Variants in ESRRG observed in about 807,000 individuals in gnomAD.
ESRRG encodes the protein estrogen related receptor gamma.
ESRRG carries 13 observed loss-of-function variants against 44.0 expected under a neutral mutation model. The ratio of observed to expected loss-of-function variants is 0.30; its 90% CI spans 0.19 to 0.47. The LOEUF is 0.47. ESRRG is among the 20% of genes least tolerant of loss of function. The probability of loss-of-function intolerance (pLI) is 1.00; values close to 1 mark genes in which losing one functional copy is unlikely to be tolerated. For missense variants in ESRRG, 395 were observed against 580.6 expected (o/e 0.68, Z 3.29); for synonymous variants, 215 against 214.6 (o/e 1.00, Z -0.02).
At chr1:216,696,585 T>C (rs531955185) in intron 1 of ESRRG, among the ~76,000 whole-genome samples, 2 of 152,224 alleles carry the variant, frequency 1.3e-5, no homozygotes, top group South Asian at 2.1e-4. Flanking sequence ...ACTTAAAAAA[T>C]ACTAAGATTA....
chr1:217,056,186 G>C (rs894521188), intron 1 of ESRRG, among the ~76,000 whole-genome samples: 2 of 152,284 alleles, frequency 1.3e-5, no homozygotes, highest in Admixed American at 1.3e-4. Flanking sequence ...ACTTGGAGCA[G>C]AAAAGCCTAC....
chr1:216,540,690 G>T (rs981823904), intron 5 of ESRRG, among the ~76,000 whole-genome samples: 5 of 151,952 alleles, frequency 3.3e-5, no homozygotes, highest in African/African-American at 9.7e-5. Context: ...GACCTAGAAA[G>T]CACTTGAGTA....
At chr1:216,662,629 G>A (rs1425344649) in intron 2 of ESRRG, among the ~76,000 whole-genome samples, 1 of 152,054 alleles carries the variant, frequency 6.6e-6, no homozygotes, top group African/African-American at 2.4e-5. Context: ...GGGAGAGTGG[G>A]GGGGTTCCTG....
chr1:216,649,003 G>A (rs1004997651), intron 3 of ESRRG, among the ~76,000 whole-genome samples: 6 of 152,082 alleles, frequency 3.9e-5, no homozygotes, highest in Admixed American at 6.6e-5. Context: ...TTGTTACTCT[G>A]CTATAGGGGT....
intron 2 of ESRRG, among the ~76,000 whole-genome samples, chr1:216,873,744 G>C (rs1458469546): frequency 6.6e-6 from 1 of 151,130 alleles, no homozygotes; most frequent in Non-Finnish European, 1.5e-5. Flanking sequence ...TGGGACCACA[G>C]CTCCACTGAA....
intron 2 of ESRRG, among the ~76,000 whole-genome samples, chr1:216,837,432 C>T (rs538021721): frequency 8.2e-4 from 120 of 146,500 alleles, no homozygotes; most frequent in Non-Finnish European, 1.3e-3. Context: ...ACAACTTTTT[C>T]CATAGAAATC....
At chr1:217,045,951 T>G (rs895082603) in intron 1 of ESRRG, among the ~76,000 whole-genome samples, 4 of 152,132 alleles carry the variant, frequency 2.6e-5, no homozygotes, top group African/African-American at 9.7e-5. Flanking sequence ...ATAGTTAGTA[T>G]AGATTGAGAT....
intron 1 of ESRRG, among the ~76,000 whole-genome samples, chr1:217,135,316 T>TA (rs1226148787): frequency 6.6e-6 from 1 of 151,782 alleles, no homozygotes; most frequent in African/African-American, 2.4e-5. Flanking sequence ...GCCTCCCACG[T>TA]AAAGGCCAGT....
intron 2 of ESRRG, among the ~76,000 whole-genome samples, chr1:216,759,259 G>T (rs1160583608): frequency 6.6e-6 from 1 of 152,120 alleles, no homozygotes; most frequent in Non-Finnish European, 1.5e-5. Flanking sequence ...CCTGCCTGTT[G>T]CTGCTCAGGC....
intron 1 of ESRRG, among the ~76,000 whole-genome samples, chr1:217,056,775 A>C (rs554575537): frequency 4.6e-5 from 7 of 151,636 alleles, no homozygotes; most frequent in African/African-American, 1.7e-4. Context: ...TAGGAGACAA[A>C]GTTTCCTCTT....
chr1:216,648,753 A>G (rs562641751), intron 3 of ESRRG, among the ~76,000 whole-genome samples: 1 of 152,246 alleles, frequency 6.6e-6, no homozygotes, highest in East Asian at 1.9e-4. Flanking sequence ...ATAGATCAAT[A>G]CCACATCAAT....
chr1:217,033,290 A>C (rs2082343272), intron 1 of ESRRG, among the ~76,000 whole-genome samples: 1 of 152,068 alleles, frequency 6.6e-6, no homozygotes, highest in Non-Finnish European at 1.5e-5. Flanking sequence ...CCTATGCTAA[A>C]CTCACAAATC....
intron 2 of ESRRG, among the ~76,000 whole-genome samples, chr1:216,779,282 A>G (rs866452949): frequency 5.6e-5 from 1 of 17,738 alleles, no homozygotes; most frequent in East Asian, 1.3e-3. Context: ...TATATTTATA[A>G]ACATTATATT....
intron 1 of ESRRG, among the ~76,000 whole-genome samples, chr1:217,059,098 T>C (rs1009389727): frequency 2.0e-5 from 3 of 149,532 alleles, no homozygotes; most frequent in African/African-American, 7.3e-5. Flanking sequence ...GGATCAAACC[T>C]GAGTGTGATC....
chr1:216,607,851 A>C (rs1247691373), intron 3 of ESRRG, among the ~76,000 whole-genome samples: 1 of 152,208 alleles, frequency 6.6e-6, no homozygotes, highest in East Asian at 1.9e-4. Context: ...ATAACAAATG[A>C]AAACACTGAA....
intron 2 of ESRRG, among the ~76,000 whole-genome samples, chr1:216,665,498 C>A (rs1047844838): frequency 5.9e-5 from 9 of 152,082 alleles, no homozygotes; most frequent in African/African-American, 2.2e-4. Context: ...CAGCCAAACT[C>A]ATAGAAACAG....
rs370360195 is a variant in ESRRG, at chr1:216,568,041, G to A, written c.647C>T (p.Ala216Val). The A allele has an allele frequency of 2.4e-5, 38 of 1,613,698 alleles. No individual in the cohort carries two copies. The highest frequency in any genetic ancestry group is 2.5e-5 in the Non-Finnish European group (30 of 1,179,796). The change falls in exon 4 of 7, where the codon GCG becomes GTG. Residue 216 changes from alanine to valine, a missense_variant. Physicochemically the swap from Ala to Val is moderately conservative, Grantham distance 64. Around this residue, in one of 5 missense-constraint regions of ESRRG, gnomAD observed 37 missense variants for 32.9 expected, o/e 1.13. Coordinates refer to ENST00000408911, the MANE Select transcript of ESRRG (RefSeq NM_001438.4). ...AGGGTTCAGGTATGGGCTGTTCTCC[G>A]CATCTATCCTGCGCTTGTACTTCTG... ...GRQKYKRRID[A>V]ENSPYLNPQL...
chr1:216,536,769 A>T (rs2051094666), intron 5 of ESRRG, among the ~76,000 whole-genome samples: 1 of 152,130 alleles, frequency 6.6e-6, no homozygotes, highest in South Asian at 2.1e-4. Context: ...GCTTCCATTT[A>T]TCATGAGCTG....
intron 1 of ESRRG, among the ~76,000 whole-genome samples, chr1:217,115,985 C>T (rs1183550649): frequency 2.6e-5 from 4 of 152,146 alleles, no homozygotes; most frequent in Admixed American, 1.3e-4. Flanking sequence ...AGCAGGCTAA[C>T]TTCCAATCCA....
Sources: allele counts gnomAD v4.1 joint callset (sites outside exome capture counted in the v4.1 genomes callset), GRCh38; gene constraint gnomAD v4.1.1; regional missense constraint gnomAD v4.1.1; transcripts MANE v1.5; gene names NCBI Gene and HGNC (gene_info 2026-07-23, HGNC 2026-07-21).